The following HTR1F variants were observed in gnomAD, a reference collection of about 807,000 sequenced individuals.
The protein encoded by HTR1F is 5-hydroxytryptamine receptor 1F, also known as 5-hydroxytryptamine (serotonin) receptor 1F, G protein-coupled.
Under a neutral mutation model 24.0 loss-of-function variants are expected in HTR1F, and 17 were observed. The observed-to-expected ratio is 0.71, with a 90% CI of 0.48 to 1.06. The LOEUF (loss-of-function observed/expected upper bound fraction) is 1.06. Among genes scored for constraint, HTR1F ranks in the 50% least tolerant of loss-of-function variants. HTR1F has a pLI of 0.00. For missense variants in HTR1F, 391 were observed against 427.8 expected (o/e 0.91, Z 0.76); for synonymous variants, 186 against 156.8 (o/e 1.19, Z -1.39).
chr3:87,916,195 T>C (rs1275005613), intron 2 of HTR1F, among the ~76,000 whole-genome samples: 1 of 149,232 alleles, frequency 6.7e-6, no homozygotes, highest in Non-Finnish European at 1.5e-5. Flanking sequence ...CAAGAACTGC[T>C]AAAGGGGGCT....
intron 2 of HTR1F, among the ~76,000 whole-genome samples, chr3:87,837,234 A>G (rs1011394560): frequency 1.3e-5 from 2 of 152,116 alleles, no homozygotes; most frequent in African/African-American, 2.4e-5. Flanking sequence ...TGAACAAGCC[A>G]AGGAATCAGA....
chr3:87,891,160 A>G (rs575564493), intron 2 of HTR1F, among the ~76,000 whole-genome samples: 58 of 152,282 alleles, frequency 3.8e-4, no homozygotes, highest in Non-Finnish European at 8.1e-4. Flanking sequence ...CTTAATGTCC[A>G]AGAACATTTT....
intron 2 of HTR1F, among the ~76,000 whole-genome samples, chr3:87,874,686 T>A (rs1705632010): frequency 6.7e-6 from 1 of 149,438 alleles, no homozygotes. Flanking sequence ...ACCAAATAGC[T>A]GAAACAAACT....
At chr3:87,937,272 G>A (rs1377206999) in intron 2 of HTR1F, among the ~76,000 whole-genome samples, 7 of 151,736 alleles carry the variant, frequency 4.6e-5, no homozygotes, top group African/African-American at 9.7e-5. Flanking sequence ...ATTAAACACC[G>A]TGATCAAGTA....
intron 2 of HTR1F, among the ~76,000 whole-genome samples, chr3:87,824,472 C>A (rs573545662): frequency 5.3e-5 from 8 of 152,264 alleles, no homozygotes; most frequent in South Asian, 2.1e-4. Flanking sequence ...AATTCTATTT[C>A]TCTGTTAATT....
chr3:87,865,198 G>T (rs1220957740), intron 2 of HTR1F, among the ~76,000 whole-genome samples: 1 of 152,010 alleles, frequency 6.6e-6, no homozygotes, highest in Non-Finnish European at 1.5e-5. Context: ...ATAGAACAAT[G>T]TGGTTTTTTT....
intron 2 of HTR1F, among the ~76,000 whole-genome samples, chr3:87,886,116 G>A (rs1411351794): frequency 1.3e-5 from 2 of 152,116 alleles, no homozygotes; most frequent in Non-Finnish European, 2.9e-5. Flanking sequence ...ACTGAATCTA[G>A]CATCACATCA....
chr3:87,982,698 T>G (rs1057250248), intron 2 of HTR1F, among the ~76,000 whole-genome samples: 4 of 152,126 alleles, frequency 2.6e-5, no homozygotes, highest in African/African-American at 9.7e-5. Context: ...GAAGGTAAAT[T>G]TCTAACCCTC....
intron 2 of HTR1F, among the ~76,000 whole-genome samples, chr3:87,903,569 A>G (rs1222683304): frequency 6.6e-6 from 1 of 151,074 alleles, no homozygotes; most frequent in Non-Finnish European, 1.5e-5. Context: ...TCAAAACCAC[A>G]ATGAGATACC....
Position 87,991,168 on chromosome 3 carries a change from C to A in HTR1F, c.419C>A (p.Ala140Asp). 1 of 1,613,972 alleles carries A rather than the reference C, an allele frequency of 6.2e-7. No individual in the cohort carries two copies. Among genetic ancestry groups the A allele is most frequent in the Non-Finnish European group, 8.5e-7 (1 of 1,179,968 alleles). ...GCCAGGAAAAGGACTCCAAAGCATG[C>A]TGGCATTATGATTACAATAGTTTGG... ...EYARKRTPKH[A>D]GIMITIVWII... Residue 140 changes from alanine (A) to aspartate (D), a missense_variant, in exon 3 of 3, where the codon GCT becomes GAT. Ala to Asp is a moderately radical substitution (Grantham distance 126). Coordinates refer to ENST00000319595, the MANE Select transcript of HTR1F (RefSeq NM_001322209.2).
intron 2 of HTR1F, among the ~76,000 whole-genome samples, chr3:87,899,323 A>G (rs1706272538): frequency 6.6e-6 from 1 of 152,216 alleles, no homozygotes; most frequent in Non-Finnish European, 1.5e-5. Flanking sequence ...CATCATAAAT[A>G]CTACCAGAAT....
intron 2 of HTR1F, among the ~76,000 whole-genome samples, chr3:87,860,040 G>A (rs932285947): frequency 1.3e-5 from 2 of 152,150 alleles, no homozygotes; most frequent in African/African-American, 4.8e-5. Context: ...ATGTAAAGTG[G>A]CCAGTTATGA....
chr3:87,843,673 T>TCC (rs36180414), intron 2 of HTR1F, among the ~76,000 whole-genome samples: 132 of 122,442 alleles, frequency 1.1e-3, no homozygotes, highest in African/African-American at 2.4e-3. Context: ...GTGCTATCCC[T>TCC]CCCCCTCCCC....
intron 2 of HTR1F, among the ~76,000 whole-genome samples, chr3:87,825,593 T>C (rs547354673): frequency 1.3e-5 from 2 of 152,178 alleles, no homozygotes; most frequent in East Asian, 3.8e-4. Flanking sequence ...CAATTCATCA[T>C]ACAAAATATT....
At chr3:87,959,446 AT>A (rs1168727698) in intron 2 of HTR1F, among the ~76,000 whole-genome samples, 2 of 151,886 alleles carry the variant, frequency 1.3e-5, no homozygotes, top group Non-Finnish European at 2.9e-5. Flanking sequence ...TTACTTTAAT[AT>A]TTTAATGTAT....
chr3:87,934,684 T>C (rs1410431353), intron 2 of HTR1F, among the ~76,000 whole-genome samples: 1 of 152,146 alleles, frequency 6.6e-6, no homozygotes, highest in African/African-American at 2.4e-5. Context: ...AGGCAAATCT[T>C]CATTCCAGGA....
chr3:87,881,493 T>G (rs1313414006), intron 2 of HTR1F, among the ~76,000 whole-genome samples: 1 of 151,972 alleles, frequency 6.6e-6, no homozygotes, highest in Non-Finnish European at 1.5e-5. Context: ...ACTCCACCTC[T>G]GGGGGCAGGG....
In HTR1F at chr3:87,835,752, A is replaced by C. The variant is rs540766815; in HGVS notation, c.-43+13628A>C. On this transcript the variant is annotated intron_variant, in intron 2 of 2. Coordinates refer to ENST00000319595, the MANE Select transcript of HTR1F (RefSeq NM_001322209.2). ...TTCATCAATGGTTGGATCATACATT[A>C]TCCTAAAGAGATGTCCAAATTACAG... is the stretch of plus-strand genomic sequence containing the variant. 7.9e-5 allele frequency among the ~76,000 whole-genome samples: 12 copies of C among 152,332 alleles called. 1 individual carries two copies. The highest frequency in any genetic ancestry group is 4.6e-4 in the Admixed American group (7 of 15,304).
intron 2 of HTR1F, among the ~76,000 whole-genome samples, chr3:87,914,282 C>T (rs1380342990): frequency 3.3e-5 from 5 of 152,096 alleles, no homozygotes; most frequent in Admixed American, 2.6e-4. Context: ...TGGGAAAAGG[C>T]CACAGGGAGA....
Sources: gnomAD v4.1 joint callset for allele counts (sites outside exome capture counted in the v4.1 genomes callset) on GRCh38, gnomAD v4.1.1 for gene constraint, MANE v1.5 for transcripts, NCBI Gene and HGNC (gene_info 2026-07-23, HGNC 2026-07-21) for gene names.